Variants in IPO9 observed in about 807,000 individuals in gnomAD.
IPO9 encodes the protein importin-9.
Under a neutral mutation model 128.6 loss-of-function variants are expected in IPO9, and 28 were observed. The ratio of observed to expected loss-of-function variants is 0.22; its 90% CI spans 0.16 to 0.30. IPO9 has a LOEUF of 0.30. Ranked by LOEUF, IPO9 falls within the 10% of genes least tolerant of loss-of-function variation. The pLI is 1.00. For synonymous variants in IPO9, 455 were observed against 475.8 expected, an observed-to-expected ratio of 0.96 and a Z score of 0.57; for missense variants, 935 against 1,293.9, an observed-to-expected ratio of 0.72 and a Z score of 4.26.
chr1:201,840,089 A>T (rs1040644376), intron 1 of IPO9, among the ~76,000 whole-genome samples: 2 of 152,176 alleles, frequency 1.3e-5, no homozygotes, highest in South Asian at 2.1e-4. Flanking sequence ...TGACAAAAAA[A>T]TTTATTTTAT....
Position 201,854,608 on chromosome 1 carries a change from T to TCCTG in IPO9, c.705_708dup (p.Ile237ProfsTer26). On this transcript the variant is annotated frameshift_variant, in exon 7 of 24. Coordinates refer to ENST00000361565, the MANE Select transcript of IPO9 (RefSeq NM_018085.5). LOFTEE classifies it high-confidence loss of function. ...TTCTGTTATCAGGGTGCAGCCAAAG[T>TCCTG]CCTGATCTTTCCCGTGGTACAGCAG... is the stretch of plus-strand genomic sequence containing the variant. The TCCTG allele has an allele frequency of 6.2e-7, 1 of 1,613,990 alleles. No homozygotes were observed. The highest frequency in any genetic ancestry group is 8.5e-7 in the Non-Finnish European group (1 of 1,180,026).
At chr1:201,858,417 A>G in intron 11 of IPO9, 30 bp from the exon 12 acceptor site, 2 of 1,308,152 alleles carry the variant, frequency 1.5e-6, no homozygotes, top group Admixed American at 2.3e-5. Flanking sequence ...ATGGGCACAA[A>G]CAGATTTATT....
At chr1:201,859,093 A>G (rs1680387899) in intron 13 of IPO9, 99 bp downstream of exon 13, 1 of 1,224,050 alleles carries the variant, frequency 8.2e-7, no homozygotes, top group South Asian at 1.6e-5. Context: ...TGTAAGTGAC[A>G]AGTTAATGGG....
Position 201,883,828 on chromosome 1 carries a change from C to G in IPO9, c.*7774C>G, listed in dbSNP as rs1680934256. The G allele has an allele frequency of 6.6e-6, 1 of 152,276 alleles. No homozygotes were observed. The highest frequency in any genetic ancestry group is 1.5e-5 in the Non-Finnish European group (1 of 68,052). The allele number at this position is 152,276 out of a possible 1,614,324, so 9.4% of individuals were successfully genotyped here. On this transcript the variant is annotated 3_prime_UTR_variant, in exon 24 of 24. Transcript: ENST00000361565. ...TAACTAATATCCCTCGTCAGCTCCG[C>G]TGACTCATCCCTGCCACAGGGAGGT...
At chr1:201,874,066 G>A (rs1680713371) in intron 20 of IPO9, among the ~76,000 whole-genome samples, 184 bp from the exon 21 acceptor site, 1 of 152,138 alleles carries the variant, frequency 6.6e-6, no homozygotes, top group Non-Finnish European at 1.5e-5. Context: ...CTTCTGAACT[G>A]TTACAATACC....
chr1:201,850,196 T>C (rs972433648), intron 4 of IPO9, among the ~76,000 whole-genome samples: 1 of 152,206 alleles, frequency 6.6e-6, no homozygotes, highest in African/African-American at 2.4e-5. Context: ...TTTGTCTCCT[T>C]TTGTAATGGA....
At chr1:201,833,650 A>G (rs951577466) in intron 1 of IPO9, among the ~76,000 whole-genome samples, 1 of 152,240 alleles carries the variant, frequency 6.6e-6, no homozygotes, top group Non-Finnish European at 1.5e-5. Flanking sequence ...AGGGCTAATT[A>G]GATAAGGAGA....
chr1:201,864,708 G>T (rs1680517512), intron 14 of IPO9, among the ~76,000 whole-genome samples: 1 of 152,232 alleles, frequency 6.6e-6, no homozygotes, highest in Non-Finnish European at 1.5e-5. Flanking sequence ...GTAGACAGCA[G>T]TACCTATCAG....
intron 4 of IPO9, among the ~76,000 whole-genome samples, chr1:201,849,041 A>C (rs987472708): frequency 2.6e-5 from 4 of 152,202 alleles, no homozygotes; most frequent in Non-Finnish European, 5.9e-5. Context: ...CATTATTACT[A>C]TATATTATTT....
chr1:201,871,372 ATTTCTTTTTT>A, intron 19 of IPO9, 45 bp downstream of exon 19: 1 of 232,800 alleles, frequency 4.3e-6, no homozygotes, highest in Non-Finnish European at 6.7e-6. Context: ...CACCACTCAT[ATTTCTTTTTT>A]TTTTTTTTTT....
rs189417864 is a variant in IPO9 at position 201,835,373 on chromosome 1, A to G, written c.163+6001A>G. ...TGCCATATGGGGTGATAAGAGAGAA[A>G]GGGGAGCAAGGATAACGAGAGGGAA... On this transcript the variant is annotated intron_variant, in intron 1 of 23. Transcript: ENST00000361565. Among the ~76,000 whole-genome samples the G allele has an allele frequency of 8.0e-4, 122 of 152,344 alleles. 1 individual carries two copies. Among genetic ancestry groups the G allele is most frequent in the Admixed American group, 4.4e-3 (68 of 15,296 alleles).
intron 1 of IPO9, among the ~76,000 whole-genome samples, chr1:201,844,321 C>G (rs1680090215): frequency 6.6e-6 from 1 of 152,134 alleles, no homozygotes; most frequent in Non-Finnish European, 1.5e-5. Context: ...TAACCTCAAT[C>G]TAAAACATGA....
In IPO9 at chr1:201,866,876, G is replaced by C; in HGVS notation, c.1772G>C (p.Cys591Ser). ...NLVMETLCIV[C>S]TVDPEFTASM... ...GTGATGGAGACCCTGTGCATCGTTT[G>C]TACAGTAGACCCCGAATTCACAGCA... Residue 591 changes from cysteine to serine, a missense_variant, in exon 15 of 24, where the codon TGT becomes TCT. Physicochemically the swap from Cys to Ser is moderately radical, Grantham distance 112 (BLOSUM62 -1). Around this residue, in one of 3 missense-constraint regions of IPO9, gnomAD observed 741 missense variants for 1,019.1 expected, o/e 0.73. Coordinates refer to ENST00000361565, the MANE Select transcript of IPO9 (RefSeq NM_018085.5). 1 of 1,614,132 alleles carries C rather than the reference G, an allele frequency of 6.2e-7. No homozygotes were observed. Among genetic ancestry groups the C allele is most frequent in the Non-Finnish European group, 8.5e-7 (1 of 1,180,024 alleles).
At chr1:201,846,601 C>T (rs1330791135) in intron 1 of IPO9, among the ~76,000 whole-genome samples, 1 of 152,128 alleles carries the variant, frequency 6.6e-6, no homozygotes, top group Non-Finnish European at 1.5e-5. Flanking sequence ...TCTTAAACTC[C>T]TGACCTTGTG....
chr1:201,847,623 T>C lies in IPO9; in HGVS notation c.297T>C (p.Pro99=). The part of the protein sequence containing the change: ...WCAQSEKFRP[P]ETTERAKIVI... ...CCCAATCAGAGAAATTTAGGCCTCC[T>C]GAAACTACAGAAAGGGTAAGTCAGT... Residue 99 remains proline (P), a synonymous_variant, in exon 3 of 24, where the codon CCT becomes CCC. Transcript: ENST00000361565. The C allele has an allele frequency of 6.2e-7, 1 of 1,612,636 alleles. No homozygotes were observed. Among genetic ancestry groups the C allele is most frequent in the Non-Finnish European group, 8.5e-7 (1 of 1,178,652 alleles).
At chr1:201,844,717 C>A (rs887822591) in intron 1 of IPO9, among the ~76,000 whole-genome samples, 1 of 152,040 alleles carries the variant, frequency 6.6e-6, no homozygotes, top group Non-Finnish European at 1.5e-5. Flanking sequence ...CAGTTATTAA[C>A]CTGGTTACTT....
chr1:201,880,710 C>A lies in IPO9; in HGVS notation c.*4656C>A, dbSNP rs1680868474. 6.6e-6 allele frequency: 1 copy of A among 152,166 alleles called. No homozygotes were observed. The highest frequency in any genetic ancestry group is 2.4e-5 in the African/African-American group (1 of 41,414). 9.4% of individuals were successfully genotyped at this position (152,166 alleles called of 1,614,324 possible). ...TGGCCCTTTCCCTCAAGGAGCTAGT[C>A]TAGTAGGGGGTCAGAAATACAGATG... On this transcript the variant is annotated 3_prime_UTR_variant, in exon 24 of 24. Coordinates refer to ENST00000361565, the MANE Select transcript of IPO9 (RefSeq NM_018085.5).
At position 201,876,046 on chromosome 1, in the gene IPO9, G is replaced by A. The variant is rs1680756498; in HGVS notation, c.3118G>A (p.Gly1040Ser). The A allele has an allele frequency of 3.1e-6, 5 of 1,607,442 alleles. No individual in the cohort carries two copies. Among genetic ancestry groups the A allele is most frequent in the Admixed American group, 1.7e-5 (1 of 59,998 alleles). The change falls in exon 24 of 24, where the codon GGC (glycine) becomes AGC (serine). Residue 1040 changes from glycine (G) to serine (S), a missense_variant. Gly to Ser is a moderately conservative substitution (Grantham distance 56). Transcript: ENST00000361565. ...TGAGAGGCGAGTTCTACAGACCATCGGCATCTAAAAAGGGGAGCCTTTCTA... is the reference window on the plus strand; with the variant it reads ...TGAGAGGCGAGTTCTACAGACCATCAGCATCTAAAAAGGGGAGCCTTTCTA... ...DNERRVLQTI[G>S]I
At position 201,869,581 on chromosome 1, in the gene IPO9, C is replaced by G. The variant is rs1032012577; in HGVS notation, c.2005-9C>G. 2 of 1,613,752 alleles carry G rather than the reference C, an allele frequency of 1.2e-6. No homozygotes were observed. Among genetic ancestry groups the G allele is most frequent in the Non-Finnish European group, 1.7e-6 (2 of 1,179,864 alleles). ...CAATTCTGACTTTTCTTTTTCTTCTCTCTTTCAGACAGCCATTGATATCCT... is the reference window on the plus strand; with the variant it reads ...CAATTCTGACTTTTCTTTTTCTTCTGTCTTTCAGACAGCCATTGATATCCT... On this transcript the variant is annotated splice_polypyrimidine_tract_variant and intron_variant, in intron 16 of 23. Transcript: ENST00000361565.
Sources: allele counts gnomAD v4.1 joint callset (sites outside exome capture counted in the v4.1 genomes callset), GRCh38; gene constraint gnomAD v4.1.1; regional missense constraint gnomAD v4.1.1; transcripts MANE v1.5; gene names NCBI Gene and HGNC (gene_info 2026-07-23, HGNC 2026-07-21).